The following FRMPD4 variants were observed in gnomAD, a reference collection of about 807,000 sequenced individuals.
FRMPD4 encodes FERM and PDZ domain containing 4.
In FRMPD4, 22 loss-of-function variants were observed where a neutral mutation model predicts 94.1. The ratio of observed to expected loss-of-function variants is 0.23; its 90% CI spans 0.17 to 0.33. FRMPD4 has a LOEUF of 0.33. Ranked by LOEUF, FRMPD4 falls within the 10% of genes least tolerant of loss-of-function variation. FRMPD4 has a pLI of 1.00. For missense variants in FRMPD4, 1,111 were observed against 1,339.9 expected, an observed-to-expected ratio of 0.83 and a Z score of 2.67; for synonymous variants, 631 against 548.6, an observed-to-expected ratio of 1.15 and a Z score of -2.10.
At chrX:12,331,739 AATTTATAT>A (rs2055391527) in intron 1 of FRMPD4, among the ~76,000 whole-genome samples, 1 of 62,407 alleles carries the variant, frequency 1.6e-5, no homozygotes, top group Non-Finnish European at 2.5e-5. Flanking sequence ...ATAAATATAT[AATTTATAT>A]ATTTATATAC....
intron 3 of FRMPD4, among the ~76,000 whole-genome samples, chrX:11,990,866 A>G (rs562899298): frequency 8.9e-6 from 1 of 111,810 alleles, no homozygotes; most frequent in African/African-American, 3.2e-5. Flanking sequence ...ACCGCATGCT[A>G]ATGTAGAAGC....
intron 2 of FRMPD4, among the ~76,000 whole-genome samples, chrX:12,557,159 AC>A (rs935530008): frequency 3.6e-5 from 4 of 111,673 alleles, no homozygotes; most frequent in African/African-American, 1.3e-4. Context: ...GATTACCCCA[AC>A]CCTCCAATGG....
At chrX:12,710,377 C>G (rs1270375187) in intron 13 of FRMPD4, 22 bp from the exon 14 acceptor site, 2 of 1,177,293 alleles carry the variant, frequency 1.7e-6, no homozygotes, top group Non-Finnish European at 2.3e-6. Flanking sequence ...TGGCTTTAAC[C>G]AAAGTGTTCT....
rs748321916 is a variant in FRMPD4, at chrX:12,313,695, G to GT, written c.41+174689dup. On this transcript the variant is annotated intron_variant, in intron 1 of 16. Transcript: ENST00000675598. ...CTTTGAAAGGGTAAGTCTTTGTGAG[G>GT]TTTTTTCCCCATTTCATTCATTTCA... 1.2e-4 allele frequency among the ~76,000 whole-genome samples: 13 copies of GT among 111,761 alleles called. No homozygotes were observed. The East Asian group carries it at 1.4e-3, about 12-fold the overall frequency.
intron 1 of FRMPD4, among the ~76,000 whole-genome samples, chrX:12,316,911 A>G (rs1486644187): frequency 8.9e-6 from 1 of 111,956 alleles, no homozygotes; most frequent in Admixed American, 9.5e-5. Context: ...AGTTATGGTG[A>G]TCATTATTGA....
intron 4 of FRMPD4, among the ~76,000 whole-genome samples, chrX:12,621,251 CA>C (rs1279204141): frequency 9.2e-6 from 1 of 109,163 alleles, no homozygotes; most frequent in African/African-American, 3.3e-5. Flanking sequence ...ACAAAACAAA[CA>C]AACAAAAAAA....
Position 12,495,781 on chromosome X carries a change from C to T in FRMPD4, c.42-2899C>T, listed in dbSNP as rs181093869. Among the ~76,000 whole-genome samples, 8 of 111,799 alleles carry T rather than the reference C, an allele frequency of 7.2e-5. No homozygotes were observed. The East Asian group carries it at 1.9e-3, about 27-fold the overall frequency. ...GGTAGAGTTATGTGGAGCAGTGGGTCGCCACTTTGGCTGACCTGGGTAGTA... is the reference window on the plus strand; with the variant it reads ...GGTAGAGTTATGTGGAGCAGTGGGTTGCCACTTTGGCTGACCTGGGTAGTA... On this transcript the variant is annotated intron_variant, in intron 1 of 16. Transcript: ENST00000675598.
At chrX:12,273,994 C>T (rs111532646) in intron 1 of FRMPD4, among the ~76,000 whole-genome samples, 1,664 of 111,921 alleles carry the variant, frequency 0.015, 29 homozygotes, top group African/African-American at 0.051. Context: ...TAAAATTTCA[C>T]TCATGTAGTC....
intron 1 of FRMPD4, among the ~76,000 whole-genome samples, chrX:12,230,573 C>T (rs760620465): frequency 2.7e-5 from 3 of 109,681 alleles, no homozygotes; most frequent in Non-Finnish European, 3.8e-5. Flanking sequence ...TTTGGAGGGC[C>T]TCAATGTCTG....
At chrX:12,028,290 G>C (rs1200230774) in intron 3 of FRMPD4, among the ~76,000 whole-genome samples, 1 of 112,180 alleles carries the variant, frequency 8.9e-6, no homozygotes, top group Non-Finnish European at 1.9e-5. Context: ...TGTTGTTAAT[G>C]TGTGGGGATT....
chrX:12,046,985 G>T (rs2054788837), intron 3 of FRMPD4, among the ~76,000 whole-genome samples: 1 of 110,885 alleles, frequency 9.0e-6, no homozygotes, highest in African/African-American at 3.3e-5. Flanking sequence ...CAGAACTTTG[G>T]ATATCCCAAA....
At chrX:12,558,210 C>T (rs2058616700) in intron 2 of FRMPD4, among the ~76,000 whole-genome samples, 1 of 112,635 alleles carries the variant, frequency 8.9e-6, no homozygotes, top group African/African-American at 3.2e-5. Flanking sequence ...TCATGGGCTG[C>T]AGTGAAAACT....
chrX:12,369,938 A>G lies in FRMPD4; in HGVS notation c.42-128742A>G, dbSNP rs144638404. The stretch of plus-strand genomic sequence containing the variant: ...ATATAGAAATATGTATAATATATAT[A>G]TTTTACGTTTCATACGTATATATGC... On this transcript the variant is annotated intron_variant, in intron 1 of 16. Transcript: ENST00000675598. Among the ~76,000 whole-genome samples the G allele has an allele frequency of 1.4e-3, 152 of 111,918 alleles. 1 individual carries two copies. Among genetic ancestry groups the G allele is most frequent in the African/African-American group, 4.5e-3 (139 of 30,882 alleles).
At chrX:12,154,451 G>GAAACCACAC (rs1394009558) in intron 1 of FRMPD4, among the ~76,000 whole-genome samples, 2 of 112,094 alleles carry the variant, frequency 1.8e-5, no homozygotes, top group Non-Finnish European at 3.8e-5. Context: ...GGGAAGTGTG[G>GAAACCACAC]AAACCACACT....
intron 4 of FRMPD4, among the ~76,000 whole-genome samples, chrX:12,632,035 G>A (rs138586952): frequency 0.02 from 2,280 of 111,686 alleles, 58 homozygotes; most frequent in African/African-American, 0.071. Context: ...GGGAAATGCA[G>A]TGTTTATTGC....
intron 7 of FRMPD4, among the ~76,000 whole-genome samples, 157 bp downstream of exon 7, chrX:12,686,361 C>G (rs1365334847): frequency 8.9e-6 from 1 of 112,071 alleles, no homozygotes; most frequent in African/African-American, 3.2e-5. Flanking sequence ...ATACTTCAAA[C>G]CAAACCAAAG....
chrX:12,237,910 A>G (rs1474275653), intron 1 of FRMPD4, among the ~76,000 whole-genome samples: 1 of 112,241 alleles, frequency 8.9e-6, no homozygotes, highest in Non-Finnish European at 1.9e-5. Flanking sequence ...GTTGCCATTC[A>G]GAAGCAGTTC....
At chrX:12,391,837 T>C (rs1250795741) in intron 1 of FRMPD4, among the ~76,000 whole-genome samples, 1 of 110,471 alleles carries the variant, frequency 9.1e-6, no homozygotes, top group Non-Finnish European at 1.9e-5. Flanking sequence ...TTAGGCTTGG[T>C]GAGTCCTGAC....
chrX:12,438,709 C>A (rs756110666), intron 1 of FRMPD4, among the ~76,000 whole-genome samples: 6 of 111,183 alleles, frequency 5.4e-5, no homozygotes, highest in Admixed American at 4.8e-4. Flanking sequence ...TGACAAAAAC[C>A]CCGATTCTGA....
Sources: gnomAD v4.1 joint callset for allele counts (sites outside exome capture counted in the v4.1 genomes callset) on GRCh38, gnomAD v4.1.1 for gene constraint, MANE v1.5 for transcripts, NCBI Gene and HGNC (gene_info 2026-07-23, HGNC 2026-07-21) for gene names.